SESTD1: variants seen among roughly 807,000 people sequenced by gnomAD.
SESTD1 encodes the protein SEC14 domain and spectrin repeat-containing protein 1.
Under a neutral mutation model 101.7 loss-of-function variants are expected in SESTD1, and 43 were observed. The observed-to-expected ratio is 0.42, with a 90% CI of 0.33 to 0.55. SESTD1 has a LOEUF of 0.55. SESTD1 is among the 20% of genes least tolerant of loss of function. The probability of loss-of-function intolerance (pLI) is 0.07; values close to 1 mark genes in which losing one functional copy is unlikely to be tolerated. For synonymous variants in SESTD1, 283 were observed against 286.8 expected (o/e 0.99, Z 0.13); for missense variants, 647 against 815.1 (o/e 0.79, Z 2.51).
chr2:179,234,254 G>A (rs1229104839), intron 1 of SESTD1, among the ~76,000 whole-genome samples: 1 of 152,130 alleles, frequency 6.6e-6, no homozygotes, highest in Non-Finnish European at 1.5e-5. Flanking sequence ...TCTCCAGCCT[G>A]CTTGCTGACT....
At chr2:179,231,258 A>G (rs2046982590) in intron 1 of SESTD1, among the ~76,000 whole-genome samples, 1 of 152,162 alleles carries the variant, frequency 6.6e-6, no homozygotes, top group African/African-American at 2.4e-5. Context: ...TGTAGATCTA[A>G]GAGCAAAACG....
intron 10 of SESTD1, among the ~76,000 whole-genome samples, chr2:179,126,355 T>C (rs1263918900): frequency 1.3e-5 from 2 of 152,208 alleles, no homozygotes; most frequent in South Asian, 2.1e-4. Context: ...TTGGCACAAG[T>C]AAGCACTTCC....
chr2:179,205,489 T>A (rs970573977), intron 1 of SESTD1, among the ~76,000 whole-genome samples: 1 of 134,446 alleles, frequency 7.4e-6, no homozygotes. Flanking sequence ...AAAAGGAAAA[T>A]GGTTTTAGTT....
At chr2:179,182,022 T>G (rs560573818) in intron 3 of SESTD1, among the ~76,000 whole-genome samples, 4 of 151,410 alleles carry the variant, frequency 2.6e-5, no homozygotes, top group Admixed American at 2.0e-4. Context: ...AACAGAATCA[T>G]TAAATTATAG....
chr2:179,177,784 A>T (rs2046036537), intron 3 of SESTD1, among the ~76,000 whole-genome samples: 1 of 152,248 alleles, frequency 6.6e-6, no homozygotes, highest in South Asian at 2.1e-4. Context: ...GCTGAAGAGT[A>T]GAAACAATCC....
intron 1 of SESTD1, among the ~76,000 whole-genome samples, chr2:179,200,082 C>T (rs374163959): frequency 5.3e-5 from 8 of 152,076 alleles, no homozygotes; most frequent in African/African-American, 7.2e-5. Flanking sequence ...CAAAGTCTCA[C>T]GATACAAAAT....
intron 5 of SESTD1, among the ~76,000 whole-genome samples, chr2:179,152,325 G>A (rs1201436075): frequency 3.9e-5 from 6 of 152,192 alleles, no homozygotes. Flanking sequence ...GCACCACAGA[G>A]AGAAAGGTGA....
intron 3 of SESTD1, 106 bp from the exon 4 acceptor site, chr2:179,176,644 A>C (rs1203461120): frequency 1.3e-6 from 1 of 747,984 alleles, no homozygotes; most frequent in Non-Finnish European, 2.1e-6. Flanking sequence ...GAGTAGAATT[A>C]ATCTCACTTG....
chr2:179,142,470 G>C (rs1488753235), intron 9 of SESTD1, among the ~76,000 whole-genome samples: 3 of 152,166 alleles, frequency 2.0e-5, no homozygotes, highest in Admixed American at 2.0e-4. Flanking sequence ...GTTCAAGCGA[G>C]GCTCAGGGGT....
chr2:179,138,585 T>C (rs2045207160), intron 9 of SESTD1, among the ~76,000 whole-genome samples: 1 of 152,104 alleles, frequency 6.6e-6, no homozygotes, highest in Non-Finnish European at 1.5e-5. Flanking sequence ...CTTGTATGCC[T>C]GCTAACAAAA....
In SESTD1 at chr2:179,116,681, A is replaced by C; in HGVS notation, c.1634T>G (p.Val545Gly). ...CCAGTTTTGCACCTGTGCAACATCA[A>C]CAAATTTTCTATGCTTTTCCAGCAA... is the stretch of plus-strand genomic sequence containing the variant. The part of the protein sequence containing the change: ...KVLLEKHRKF[V>G]DVAQSTYDYG... Residue 545 changes from valine to glycine, a missense_variant, in exon 15 of 18, where the codon GTT becomes GGT. This residue lies in a region of SESTD1 where 476 missense variants were observed against 562.6 expected (regional missense o/e 0.85). Transcript: ENST00000428443. 6.2e-7 allele frequency: 1 copy of C among 1,614,118 alleles called. No individual in the cohort carries two copies.
rs188848994 is a variant in SESTD1, at chr2:179,110,429, T to C, written c.1962-401A>G. Among the ~76,000 whole-genome samples, 274 of 152,322 alleles carry C rather than the reference T, an allele frequency of 1.8e-3. 1 individual carries two copies. Among genetic ancestry groups the C allele is most frequent in the African/African-American group, 6.5e-3 (269 of 41,580 alleles). ...GCTGGCAAGCAAAATAAATATTCTT[T>C]TTAATGTTATGACATTTTTTGGTAC... On this transcript the variant is annotated intron_variant, in intron 17 of 17. Transcript: ENST00000428443.
At chr2:179,192,463 G>T (rs1444766776) in intron 1 of SESTD1, among the ~76,000 whole-genome samples, 2 of 151,900 alleles carry the variant, frequency 1.3e-5, no homozygotes, top group Non-Finnish European at 2.9e-5. Context: ...TGCCCCCATT[G>T]TTAACTGCCT....
intron 10 of SESTD1, among the ~76,000 whole-genome samples, chr2:179,125,920 GTC>G (rs2044863609): frequency 6.6e-6 from 1 of 152,088 alleles, no homozygotes; most frequent in African/African-American, 2.4e-5. Flanking sequence ...TCAGCCGCCT[GTC>G]TCTTCTTCTA....
At chr2:179,240,440 A>G (rs1025479929) in intron 1 of SESTD1, among the ~76,000 whole-genome samples, 6 of 152,212 alleles carry the variant, frequency 3.9e-5, no homozygotes, top group Admixed American at 3.9e-4. Context: ...TAGAGAAAGG[A>G]ACACAGACTG....
At chr2:179,225,680 C>T (rs1284785178) in intron 1 of SESTD1, among the ~76,000 whole-genome samples, 1 of 152,112 alleles carries the variant, frequency 6.6e-6, no homozygotes, top group African/African-American at 2.4e-5. Flanking sequence ...TAGGTGTCCT[C>T]ACATTGCAGA....
chr2:179,167,166 G>T (rs2045849829), intron 5 of SESTD1, among the ~76,000 whole-genome samples: 2 of 152,178 alleles, frequency 1.3e-5, no homozygotes, highest in South Asian at 4.1e-4. Context: ...TGCAAGGACA[G>T]ACGAGGAATT....
Position 179,218,366 on chromosome 2 carries a change from C to CA in SESTD1, c.-25-26501dup, listed in dbSNP as rs531499665. ...ATTAAGGAATTCACAACATTCGTAA[C>CA]AAAAAAAATACACAGCACTTCACTT... On this transcript the variant is annotated intron_variant, in intron 1 of 17. Coordinates refer to ENST00000428443, the MANE Select transcript of SESTD1 (RefSeq NM_178123.5). 4.7e-3 allele frequency among the ~76,000 whole-genome samples: 716 copies of CA among 151,626 alleles called. 2 individuals are homozygous for CA. The highest frequency in any genetic ancestry group is 0.016 in the African/African-American group (682 of 41,384).
At chr2:179,132,158 G>A (rs1285157111) in intron 10 of SESTD1, 146 bp downstream of exon 10, 3 of 867,836 alleles carry the variant, frequency 3.5e-6, no homozygotes, top group Non-Finnish European at 3.2e-6. Flanking sequence ...TAATCAAAAT[G>A]TACTTTATGA....
Sources: gnomAD v4.1 joint callset for allele counts (sites outside exome capture counted in the v4.1 genomes callset) on GRCh38, gnomAD v4.1.1 for gene constraint, gnomAD v4.1.1 regional missense constraint, MANE v1.5 for transcripts, NCBI Gene and HGNC (gene_info 2026-07-23, HGNC 2026-07-21) for gene names.